The following OR7D2 variants were observed in gnomAD, a reference collection of about 807,000 sequenced individuals.
OR7D2 encodes olfactory receptor family 7 subfamily D member 2, also known as olfactory receptor 7D2.
For missense variants in OR7D2, 370 were observed against 384.1 expected, an observed-to-expected ratio of 0.96 and a Z score of 0.31; for synonymous variants, 158 against 158.7, an observed-to-expected ratio of 1.00 and a Z score of 0.03.
chr19:9,186,108 T>A lies in OR7D2; in HGVS notation c.327T>A (p.Ile109=), dbSNP rs778297625. The A allele has an allele frequency of 1.9e-6, 3 of 1,614,128 alleles. No homozygotes were observed. Among genetic ancestry groups the A allele is most frequent in the Non-Finnish European group, 2.5e-6 (3 of 1,180,010 alleles). The change falls in exon 3 of 3, where the codon ATT becomes ATA. Residue 109 remains isoleucine (I), a synonymous_variant. Transcript: ENST00000641288. ...TQVYFSMFFP[I]LDTLLLTVMA... ...TCTATTTCTCCATGTTTTTTCCTAT[T>A]CTGGACACGCTACTCCTGACCGTGA...
intron 2 of OR7D2, among the ~76,000 whole-genome samples, chr19:9,184,228 C>G (rs1397603023): frequency 6.6e-6 from 1 of 151,438 alleles, no homozygotes; most frequent in African/African-American, 2.4e-5. Context: ...AACCCTGTCT[C>G]TACTAAAAAA....
rs1265554515 is a variant in OR7D2 at position 9,186,015 on chromosome 19, C to T, written c.234C>T (p.Val78=). Reference sequence around the variant, plus strand: ...ACATCTGTTTCAGCACTTGCATCGTCCCCAAGATGCTGGTGAACATCCAGA... The same window carrying T: ...ACATCTGTTTCAGCACTTGCATCGTTCCCAAGATGCTGGTGAACATCCAGA... The part of the protein sequence containing the change: ...WVDICFSTCI[V]PKMLVNIQTE... Residue 78 remains valine, a synonymous_variant, in exon 3 of 3, where the codon GTC becomes GTT. Coordinates refer to ENST00000641288, the MANE Select transcript of OR7D2 (RefSeq NM_175883.4). 5.6e-6 allele frequency: 9 copies of T among 1,613,948 alleles called. No homozygotes were observed. Among genetic ancestry groups the T allele is most frequent in the Non-Finnish European group, 6.8e-6 (8 of 1,179,960 alleles).
intron 2 of OR7D2, among the ~76,000 whole-genome samples, chr19:9,185,387 G>A (rs1030210288): frequency 2.0e-5 from 3 of 151,606 alleles, no homozygotes; most frequent in Admixed American, 2.0e-4. Context: ...ATTTACGTAT[G>A]AAAGATTAGA....
chr19:9,183,281 A>AT (rs1227209666), intron 2 of OR7D2, among the ~76,000 whole-genome samples: 2 of 152,018 alleles, frequency 1.3e-5, no homozygotes, highest in African/African-American at 2.4e-5. Flanking sequence ...GATCCGTGTA[A>AT]TTTTTTATTT....
chr19:9,188,586 T>C lies in OR7D2; in HGVS notation c.*1866T>C, dbSNP rs1228482628. The C allele has an allele frequency of 1.2e-5, 2 of 167,156 alleles. No individual in the cohort carries two copies. The highest frequency in any genetic ancestry group is 2.4e-5 in the African/African-American group (1 of 41,478). The allele number at this position is 167,156 out of a possible 1,614,324, so 10.4% of individuals were successfully genotyped here. ...TATTCAAAAATTGTGTCCTTGATCA[T>C]CGTTCTTAATTCTCCATTAGTGAGT... On this transcript the variant is annotated 3_prime_UTR_variant, in exon 3 of 3. Coordinates refer to ENST00000641288, the MANE Select transcript of OR7D2 (RefSeq NM_175883.4).
At chr19:9,182,095 C>G (rs2050993708) in intron 2 of OR7D2, among the ~76,000 whole-genome samples, 1 of 152,082 alleles carries the variant, frequency 6.6e-6, no homozygotes, top group African/African-American at 2.4e-5. Context: ...TTTCCTCACG[C>G]CTGTTAGAAT....
chr19:9,181,868 A>G (rs945630648), intron 2 of OR7D2, among the ~76,000 whole-genome samples: 1 of 152,174 alleles, frequency 6.6e-6, no homozygotes, highest in Non-Finnish European at 1.5e-5. Flanking sequence ...TTTGGCAGGA[A>G]TCCCACAGAA....
rs372286154 is a variant in OR7D2, at chr19:9,180,534, C to T, written c.-104-164C>T. Among the ~76,000 whole-genome samples the T allele has an allele frequency of 2.4e-4, 37 of 152,288 alleles. No homozygotes were observed. The East Asian group carries it at 2.7e-3, about 11-fold the overall frequency. On this transcript the variant is annotated intron_variant, in intron 1 of 2. Coordinates refer to ENST00000641288, the MANE Select transcript of OR7D2 (RefSeq NM_175883.4). ...TTGCCGATATTAAATTTTTTACACT[C>T]TTAGGATAAATATTCATTAGTAATG...
At chr19:9,184,483 GAAGAAATTTAAAATAA>G (rs200825076) in intron 2 of OR7D2, among the ~76,000 whole-genome samples, 6,117 of 151,670 alleles carry the variant, frequency 0.04, 418 homozygotes, top group African/African-American at 0.14. Flanking sequence ...AAATCAAAAA[GAAGAAATTTAAAATAA>G]AAGAAATTTA....
At chr19:9,179,284 G>T (rs1248410623) in intron 1 of OR7D2, among the ~76,000 whole-genome samples, 161 bp downstream of exon 1, 1 of 152,052 alleles carries the variant, frequency 6.6e-6, no homozygotes, top group Non-Finnish European at 1.5e-5. Flanking sequence ...ATGTCTTAAG[G>T]CATTGCAACT....
chr19:9,187,757 T>A lies in OR7D2; in HGVS notation c.*1037T>A, dbSNP rs966048914. On this transcript the variant is annotated 3_prime_UTR_variant, in exon 3 of 3. Transcript: ENST00000641288. ...ATACGATATGTTCATATGGATCTTA[T>A]GTATGTTGGTTGAACATACAAACAA... is the stretch of plus-strand genomic sequence containing the variant. The A allele has an allele frequency of 6.0e-6, 1 of 166,934 alleles. No homozygotes were observed. Among genetic ancestry groups the A allele is most frequent in the East Asian group, 1.9e-4 (1 of 5,202 alleles). The allele number at this position is 166,934 out of a possible 1,614,324, so 10.3% of individuals were successfully genotyped here.
At chr19:9,185,046 G>A (rs1228572422) in intron 2 of OR7D2, among the ~76,000 whole-genome samples, 5 of 152,024 alleles carry the variant, frequency 3.3e-5, no homozygotes, top group African/African-American at 1.2e-4. Context: ...AGAAAATGAA[G>A]AAGATGTAGG....
intron 2 of OR7D2, chr19:9,183,018 A>T: frequency 2.4e-6 from 1 of 413,596 alleles, no homozygotes; most frequent in Non-Finnish European, 4.8e-6. Flanking sequence ...GGGCCTTCAC[A>T]GCCACCGTAG....
chr19:9,185,982 CT>C lies in OR7D2; in HGVS notation c.202del (p.Trp68GlyfsTer16). The C allele has an allele frequency of 6.2e-7, 1 of 1,614,114 alleles. No homozygotes were observed. The highest frequency in any genetic ancestry group is 1.3e-5 in the African/African-American group (1 of 75,020). On this transcript the variant is annotated frameshift_variant, in exon 3 of 3. Coordinates refer to ENST00000641288, the MANE Select transcript of OR7D2 (RefSeq NM_175883.4). LOFTEE classifies it low-confidence loss of function (END_TRUNC). The part of the protein sequence containing the change: ...PMYFFLSNLS[W>X]VDICFSTCIV... ...TGTACTTCTTCCTCTCCAACCTGTC[CT>C]GGGTTGACATCTGTTTCAGCACTTG...
chr19:9,179,433 G>T (rs199671703), intron 1 of OR7D2, among the ~76,000 whole-genome samples: 1 of 151,382 alleles, frequency 6.6e-6, no homozygotes, highest in African/African-American at 2.4e-5. Flanking sequence ...CCAGCTACTC[G>T]GGAGCCTGAG....
At chr19:9,182,973 C>CA in intron 2 of OR7D2, 2 of 453,412 alleles carry the variant, frequency 4.4e-6, no homozygotes, top group Non-Finnish European at 8.8e-6. Context: ...AATTCATGGC[C>CA]ATCAGATAAT....
At position 9,186,222 on chromosome 19, in the gene OR7D2, C is replaced by T; in HGVS notation, c.441C>T (p.Val147=). 1.2e-6 allele frequency: 2 copies of T among 1,614,096 alleles called. No homozygotes were observed. Among genetic ancestry groups the T allele is most frequent in the African/African-American group, 1.3e-5 (1 of 75,010 alleles). ...ACCTCTGTGGCCTCCTGGTTTTTGT[C>T]ACCTGGCTCATTGGTGTCATGACAT... The part of the protein sequence containing the change: ...NPHLCGLLVF[V]TWLIGVMTSL... The change falls in exon 3 of 3, where the codon GTC becomes GTT. Residue 147 remains valine, a synonymous_variant. Coordinates refer to ENST00000641288, the MANE Select transcript of OR7D2 (RefSeq NM_175883.4).
rs1177685108 is a variant in OR7D2, at chr19:9,187,254, C to T, written c.*534C>T. The T allele has an allele frequency of 1.2e-5, 2 of 167,616 alleles. No individual in the cohort carries two copies. Among genetic ancestry groups the T allele is most frequent in the African/African-American group, 4.8e-5 (2 of 41,424 alleles). 10.4% of individuals were successfully genotyped at this position (167,616 alleles called of 1,614,324 possible). A position where few individuals can be genotyped will look rare whatever the true frequency, so the allele number is the denominator to read the frequency against. ...TCTCACCTTTTGCAGTCTCCAGTGT[C>T]CATTATTCTGTTATAATGCCCATGC... On this transcript the variant is annotated 3_prime_UTR_variant, in exon 3 of 3. Transcript: ENST00000641288.
rs542790017 is a variant in OR7D2, at chr19:9,186,345, C to T, written c.564C>T (p.Ala188=). The change falls in exon 3 of 3, where the codon GCC becomes GCT. Residue 188 remains alanine, a synonymous_variant. Transcript: ENST00000641288. The part of the protein sequence containing the change: ...FCELTYILQL[A]CSDTFLNSTL... ...AACTGACGTACATCCTCCAGCTGGC[C>T]TGCTCTGATACCTTCCTGAACAGCA... 23 of 1,614,038 alleles carry T rather than the reference C, an allele frequency of 1.4e-5. No homozygotes were observed. In the East Asian group the frequency reaches 4.5e-4, roughly 31 times the overall value.
Sources: gnomAD v4.1 joint callset for allele counts (sites outside exome capture counted in the v4.1 genomes callset) on GRCh38, gnomAD v4.1.1 for gene constraint, MANE v1.5 for transcripts, NCBI Gene and HGNC (gene_info 2026-07-23, HGNC 2026-07-21) for gene names.